The following ZNF7 variants were observed in gnomAD, a reference collection of about 807,000 sequenced individuals.
The protein encoded by ZNF7 is zinc finger protein 7.
A neutral mutation model predicts 12.0 loss-of-function variants in ZNF7; 10 were observed. The observed-to-expected ratio is 0.83, with a 90% CI of 0.51 to 1.42. The LOEUF is 1.42. Among genes scored for constraint, ZNF7 ranks in the 40% most tolerant of loss-of-function variants. The pLI, the probability that ZNF7 is intolerant of heterozygous loss-of-function variation, is 0.00. For synonymous variants in ZNF7, 334 were observed against 295.0 expected, an observed-to-expected ratio of 1.13 and a Z score of -1.35; for missense variants, 854 against 837.2, an observed-to-expected ratio of 1.02 and a Z score of -0.25.
downstream of ZNF7, chr8:144,847,004 G>T (rs190436113): frequency 6.6e-6 from 1 of 152,230 alleles, no homozygotes; most frequent in African/African-American, 2.4e-5. Context: ...AGCTGAGGAG[G>T]AGTCCTCTTC....
chr8:144,845,881 C>A, downstream of ZNF7: 1 of 1,231,428 alleles, frequency 8.1e-7, no homozygotes, highest in Non-Finnish European at 1.1e-6. Flanking sequence ...CCTTGCGTCA[C>A]GTGGCTGCTG....
rs768695739 is a variant in ZNF7, at chr8:144,842,178, T to G, written c.1071T>G (p.Thr357=). Residue 357 remains threonine, a synonymous_variant, in exon 5 of 5, where the codon ACT becomes ACG. Transcript: ENST00000532777. ...TGGTTAGACACCAGAGAACTCACAC[T>G]GGGGAGAGGCCCTACCCTTGCAAGG... The part of the protein sequence containing the change: ...SQLVRHQRTH[T]GERPYPCKEC... 1.2e-6 allele frequency: 2 copies of G among 1,614,000 alleles called. No homozygotes were observed. Among genetic ancestry groups the G allele is most frequent in the South Asian group, 2.2e-5 (2 of 91,080 alleles).
chr8:144,829,788 C>T, intron 3 of ZNF7, 184 bp downstream of exon 3: 1 of 670,018 alleles, frequency 1.5e-6, no homozygotes, highest in Non-Finnish European at 2.2e-6. Flanking sequence ...TGGGGTTCAG[C>T]CCCCAGGGAG....
chr8:144,832,013 T>TCTACTAAAATGCAAAAA (rs1828508352), intron 3 of ZNF7, among the ~76,000 whole-genome samples: 1 of 96,068 alleles, frequency 1.0e-5, no homozygotes, highest in Admixed American at 1.1e-4. Context: ...AGACCCTGTC[T>TCTACTAAAATGCAAAAA]AAAAAAAAAA....
At chr8:144,833,785 T>C (rs1174606471) in intron 3 of ZNF7, 1 of 152,116 alleles carries the variant, frequency 6.6e-6, no homozygotes, top group East Asian at 1.9e-4. Context: ...ACCCGTTTAA[T>C]TCTTTTTTTT....
Position 144,841,924 on chromosome 8 carries a change from A to AC in ZNF7, c.818dup (p.Glu275ArgfsTer5), listed in dbSNP as rs1369509416. On this transcript the variant is annotated frameshift_variant, in exon 5 of 5. Coordinates refer to ENST00000532777, the MANE Select transcript of ZNF7 (RefSeq NM_003416.4). LOFTEE classifies it low-confidence loss of function (END_TRUNC). ...GCTTAATCAGCATCAGAGAATCCAC[A>AC]CGGGAGAGAAACCCTTTAAATGCAC... 6.2e-7 allele frequency: 1 copy of AC among 1,614,104 alleles called. No homozygotes were observed. Among genetic ancestry groups the AC allele is most frequent in the Non-Finnish European group, 8.5e-7 (1 of 1,180,056 alleles).
chr8:144,842,348 AGT>A lies in ZNF7; in HGVS notation c.1245_1246del (p.Cys415Ter), dbSNP rs1217852911. The A allele has an allele frequency of 6.2e-7, 1 of 1,613,998 alleles. No homozygotes were observed. The highest frequency in any genetic ancestry group is 1.1e-5 in the South Asian group (1 of 91,088). ...ATTCACGCTGTAGAGAAACCATTTA[AGT>A]GTGATGAGTGTGGGAAAGCTTTTAG... On this transcript the variant is annotated frameshift_variant, in exon 5 of 5. Transcript: ENST00000532777. LOFTEE classifies it low-confidence loss of function (END_TRUNC).
At chr8:144,844,363 CTT>C (rs947620627), downstream of ZNF7, among the ~76,000 whole-genome samples, 1 of 151,956 alleles carries the variant, frequency 6.6e-6, no homozygotes, top group Non-Finnish European at 1.5e-5. Flanking sequence ...AGTTGCCCCA[CTT>C]TTTTTTGGTA....
Position 144,843,524 on chromosome 8 carries a change from CT to C in ZNF7, c.*358del, listed in dbSNP as rs1335413707. 1 of 156,166 alleles carries C rather than the reference CT, an allele frequency of 6.4e-6. No homozygotes were observed. The highest frequency in any genetic ancestry group is 1.3e-5 in the Non-Finnish European group (1 of 75,094). The allele number at this position is 156,166 out of a possible 1,614,324, so 9.7% of individuals were successfully genotyped here. The stretch of plus-strand genomic sequence containing the variant: ...AATGGCATCAGCCCAGGAGGCGGAG[CT>C]TGCAGTGAGCTGAGATCGCGCCACT... On this transcript the variant is annotated 3_prime_UTR_variant, in exon 5 of 5. Transcript: ENST00000532777.
downstream of ZNF7, among the ~76,000 whole-genome samples, chr8:144,844,506 G>C (rs2953889): frequency 0.4 from 59,899 of 151,436 alleles, 12,271 homozygotes; most frequent in African/African-American, 0.51. Flanking sequence ...GTCAGGAGAT[G>C]AAGACCATCC....
intron 3 of ZNF7, among the ~76,000 whole-genome samples, chr8:144,833,370 G>A (rs113173112): frequency 1.6e-5 from 2 of 125,314 alleles, no homozygotes; most frequent in East Asian, 2.3e-4. Flanking sequence ...GTTCATTTGT[G>A]TTTTTGGCTT....
downstream of ZNF7, among the ~76,000 whole-genome samples, chr8:144,845,063 T>TGG (rs1830437505): frequency 6.6e-6 from 1 of 152,096 alleles, no homozygotes; most frequent in South Asian, 2.1e-4. Flanking sequence ...CCAATTGCCT[T>TGG]ACTTTACAGG....
rs552590795 is a variant in ZNF7, at chr8:144,838,171, G to A, written c.247+664G>A. On this transcript the variant is annotated intron_variant, in intron 4 of 4. Coordinates refer to ENST00000532777, the MANE Select transcript of ZNF7 (RefSeq NM_003416.4). ...GGATGCGTCCCTCACTCTGATCTCC[G>A]ACTCCTTCACACGGCTGCCTTCTCC... 9.4e-4 allele frequency: 662 copies of A among 702,596 alleles called. 1 individual carries two copies. The highest frequency in any genetic ancestry group is 1.9e-3 in the South Asian group (128 of 67,568). The allele number at this position is 702,596 out of a possible 1,614,324, so 43.5% of individuals were successfully genotyped here. A position where few individuals can be genotyped will look rare whatever the true frequency, so the allele number is the denominator to read the frequency against.
chr8:144,840,395 C>T (rs887564934), intron 4 of ZNF7, among the ~76,000 whole-genome samples: 6 of 152,206 alleles, frequency 3.9e-5, no homozygotes, highest in African/African-American at 1.4e-4. Context: ...GCTTGAAGCC[C>T]TGTAACTGGG....
chr8:144,844,343 G>A (rs1028882511), downstream of ZNF7, among the ~76,000 whole-genome samples: 3 of 152,200 alleles, frequency 2.0e-5, no homozygotes, highest in African/African-American at 7.2e-5. Context: ...TGACTGTCTT[G>A]TACTGGCCTA....
At chr8:144,828,550 C>G (rs1478587307) in intron 1 of ZNF7, among the ~76,000 whole-genome samples, 1 of 152,202 alleles carries the variant, frequency 6.6e-6, no homozygotes, top group African/African-American at 2.4e-5. Flanking sequence ...CTTTCACATG[C>G]TATTCCTGCT....
chr8:144,830,160 C>T (rs910810674), intron 3 of ZNF7, among the ~76,000 whole-genome samples: 1 of 152,186 alleles, frequency 6.6e-6, no homozygotes, highest in Non-Finnish European at 1.5e-5. Flanking sequence ...CCTTGCTGGG[C>T]CTCTTGCCTG....
chr8:144,837,052 C>T lies in ZNF7; in HGVS notation c.131-339C>T, dbSNP rs374007674. On this transcript the variant is annotated intron_variant, in intron 3 of 4. Transcript: ENST00000532777. ...TGCTCTCTGAACTGAGGGACAGGCCCGGTTCTGCTAAGTGAAGCTTGGGCT... is the reference window on the plus strand; with the variant it reads ...TGCTCTCTGAACTGAGGGACAGGCCTGGTTCTGCTAAGTGAAGCTTGGGCT... The T allele has an allele frequency of 1.2e-4, 23 of 197,548 alleles. 1 individual carries two copies. In the East Asian group the frequency reaches 1.5e-3, roughly 13 times the overall value. The allele number at this position is 197,548 out of a possible 1,614,324, so 12.2% of individuals were successfully genotyped here.
chr8:144,843,081 G>A lies in ZNF7; in HGVS notation c.1974G>A (p.Gly658=), dbSNP rs1830176868. The change falls in exon 5 of 5, where the codon GGG becomes GGA. Residue 658 remains glycine (G), a synonymous_variant. Transcript: ENST00000532777. ...HLIIHQRIHT[G]EKPYKCNDCG... ...TTATACACCAGAGAATTCACACCGGGGAGAAGCCTTATAAATGCAATGACT... is the reference window on the plus strand; with the variant it reads ...TTATACACCAGAGAATTCACACCGGAGAGAAGCCTTATAAATGCAATGACT... The A allele has an allele frequency of 6.2e-7, 1 of 1,613,380 alleles. No individual in the cohort carries two copies. Among genetic ancestry groups the A allele is most frequent in the East Asian group, 2.2e-5 (1 of 44,880 alleles).
Sources: allele counts gnomAD v4.1 joint callset (sites outside exome capture counted in the v4.1 genomes callset), GRCh38; gene constraint gnomAD v4.1.1; transcripts MANE v1.5; gene names NCBI Gene and HGNC (gene_info 2026-07-23, HGNC 2026-07-21).